CTNNA2: variants seen among roughly 807,000 people sequenced by gnomAD.
CTNNA2 encodes the protein catenin alpha-2.
In CTNNA2, 42 loss-of-function variants were observed where a neutral mutation model predicts 101.0. The ratio of observed to expected loss-of-function variants is 0.42; its 90% CI spans 0.32 to 0.54. The LOEUF (loss-of-function observed/expected upper bound fraction) is 0.54, where lower values mean the gene tolerates loss of function less well. Ranked by LOEUF, CTNNA2 falls within the 20% of genes least tolerant of loss-of-function variation. The pLI, the probability that CTNNA2 is intolerant of heterozygous loss-of-function variation, is 0.14. For missense variants in CTNNA2, 871 were observed against 1,223.1 expected, an observed-to-expected ratio of 0.71 and a Z score of 4.29; for synonymous variants, 450 against 456.4, an observed-to-expected ratio of 0.99 and a Z score of 0.18.
chr2:79,433,534 A>G (rs1158959954), intron 4 of CTNNA2, among the ~76,000 whole-genome samples: 2 of 149,592 alleles, frequency 1.3e-5, no homozygotes, highest in African/African-American at 2.4e-5. Context: ...TTTCAGTGCT[A>G]TGAGATGAAA....
At chr2:79,204,024 T>C (rs560128352) in intron 2 of CTNNA2, among the ~76,000 whole-genome samples, 1 of 152,350 alleles carries the variant, frequency 6.6e-6, no homozygotes, top group South Asian at 2.1e-4. Flanking sequence ...ATGATATTAA[T>C]AGCCAAGGGT....
intron 1 of CTNNA2, among the ~76,000 whole-genome samples, chr2:79,620,704 C>T (rs1304106444): frequency 6.6e-6 from 1 of 152,046 alleles, no homozygotes; most frequent in African/African-American, 2.4e-5. Context: ...TAGGGTAAAC[C>T]AGTGCCCAAA....
At chr2:79,491,722 G>T (rs1671208594) in intron 4 of CTNNA2, among the ~76,000 whole-genome samples, 1 of 152,128 alleles carries the variant, frequency 6.6e-6, no homozygotes, top group Non-Finnish European at 1.5e-5. Context: ...AGAGAGATTT[G>T]GGAAGCTGCT....
intron 3 of CTNNA2, among the ~76,000 whole-genome samples, chr2:79,315,534 T>A (rs1239929363): frequency 6.6e-6 from 1 of 152,210 alleles, no homozygotes; most frequent in Non-Finnish European, 1.5e-5. Flanking sequence ...TTTTATTTAC[T>A]CAGCATAGTA....
At chr2:80,551,750 A>T (rs58980949) in intron 11 of CTNNA2, among the ~76,000 whole-genome samples, 1 of 152,106 alleles carries the variant, frequency 6.6e-6, no homozygotes, top group Non-Finnish European at 1.5e-5. Context: ...GACCACTCAA[A>T]CTTTCTCCAT....
chr2:80,180,810 A>G (rs1364369701), intron 7 of CTNNA2, among the ~76,000 whole-genome samples: 1 of 152,154 alleles, frequency 6.6e-6, no homozygotes, highest in Non-Finnish European at 1.5e-5. Context: ...CATTAAACCA[A>G]TGGAGAGCAG....
intron 7 of CTNNA2, among the ~76,000 whole-genome samples, chr2:80,161,214 C>T (rs1336967112): frequency 1.3e-5 from 2 of 152,144 alleles, no homozygotes; most frequent in Non-Finnish European, 2.9e-5. Flanking sequence ...CAGGGTTTCA[C>T]CATGTTGGCC....
chr2:79,495,317 A>G (rs1284431709), intron 4 of CTNNA2, among the ~76,000 whole-genome samples: 1 of 152,262 alleles, frequency 6.6e-6, no homozygotes, highest in East Asian at 1.9e-4. Flanking sequence ...GAAGATCTGA[A>G]TAAATGTATT....
intron 4 of CTNNA2, among the ~76,000 whole-genome samples, chr2:79,406,534 G>C (rs1388463472): frequency 1.3e-5 from 2 of 151,816 alleles, no homozygotes; most frequent in African/African-American, 4.8e-5. Context: ...TCTCCTCAAG[G>C]GCATCCTACT....
chr2:79,280,657 A>AGAG (rs1334847406), intron 2 of CTNNA2, among the ~76,000 whole-genome samples: 12 of 50,244 alleles, frequency 2.4e-4, no homozygotes, highest in East Asian at 8.5e-4. Context: ...GTGTGTGTGT[A>AGAG]AGAGAAAGAG....
chr2:80,130,345 A>G (rs1702348505), intron 7 of CTNNA2, among the ~76,000 whole-genome samples: 2 of 152,232 alleles, frequency 1.3e-5, no homozygotes, highest in Non-Finnish European at 2.9e-5. Flanking sequence ...AAATTGGAGC[A>G]CATTCAAGGT....
intron 3 of CTNNA2, among the ~76,000 whole-genome samples, chr2:79,366,727 C>A (rs1423186611): frequency 2.0e-5 from 3 of 152,198 alleles, no homozygotes; most frequent in African/African-American, 7.2e-5. Flanking sequence ...CTGTGAACAC[C>A]TAACATTTGC....
chr2:79,719,541 G>A (rs116407319), intron 2 of CTNNA2, among the ~76,000 whole-genome samples: 2 of 151,974 alleles, frequency 1.3e-5, no homozygotes, highest in South Asian at 2.1e-4. Flanking sequence ...TCTTTTATCC[G>A]CAGCCTCACC....
chr2:80,251,797 A>T (rs1195863903), intron 7 of CTNNA2, among the ~76,000 whole-genome samples: 1 of 152,182 alleles, frequency 6.6e-6, no homozygotes, highest in Non-Finnish European at 1.5e-5. Context: ...ACAAATACTT[A>T]ATTAAGAGTC....
Position 80,628,047 on chromosome 2 carries a change from A to T in CTNNA2, c.2574+8819A>T, listed in dbSNP as rs1036695202. On this transcript the variant is annotated intron_variant, in intron 18 of 18. Coordinates refer to ENST00000402739, the MANE Select transcript of CTNNA2 (RefSeq NM_001282597.3). Reference sequence around the variant, plus strand: ...AAGAGAATAAAATACCTAGCAATACAACTTGCAAGGGATATAAAGGACCTC... The same window carrying T: ...AAGAGAATAAAATACCTAGCAATACTACTTGCAAGGGATATAAAGGACCTC... Among the ~76,000 whole-genome samples the T allele has an allele frequency of 2.6e-5, 4 of 152,158 alleles. No individual in the cohort carries two copies. The South Asian group carries it at 8.3e-4, about 32-fold the overall frequency.
chr2:80,555,560 A>G (rs1035644406), intron 11 of CTNNA2, 133 bp from the exon 12 acceptor site: 9 of 460,786 alleles, frequency 2.0e-5, no homozygotes, highest in African/African-American at 1.6e-4. Flanking sequence ...TGTCCTTTAC[A>G]TACAATTTTA....
chr2:79,803,729 T>C (rs1574008981), intron 3 of CTNNA2, among the ~76,000 whole-genome samples: 1 of 152,254 alleles, frequency 6.6e-6, no homozygotes, highest in East Asian at 1.9e-4. Context: ...TTTGGGGGCT[T>C]GCTCCCAGCA....
chr2:80,389,858 A>G (rs1301654111), intron 7 of CTNNA2, among the ~76,000 whole-genome samples: 1 of 152,158 alleles, frequency 6.6e-6, no homozygotes. Context: ...AATTGTTTTC[A>G]GCCAAAGACT....
At chr2:80,598,289 C>T (rs1320731406) in intron 15 of CTNNA2, among the ~76,000 whole-genome samples, 1 of 152,050 alleles carries the variant, frequency 6.6e-6, no homozygotes, top group Non-Finnish European at 1.5e-5. Context: ...ACAACACACA[C>T]TGGGGCCTGT....
Sources: allele counts gnomAD v4.1 joint callset (sites outside exome capture counted in the v4.1 genomes callset), GRCh38; gene constraint gnomAD v4.1.1; transcripts MANE v1.5; gene names NCBI Gene and HGNC (gene_info 2026-07-23, HGNC 2026-07-21).